MOSPD2: variants seen among roughly 807,000 people sequenced by gnomAD.
The protein encoded by MOSPD2 is motile sperm domain containing 2.
In MOSPD2, 5 loss-of-function variants were observed where a neutral mutation model predicts 41.7. The ratio of observed to expected loss-of-function variants is 0.12; its 90% CI spans 0.06 to 0.25. The LOEUF (loss-of-function observed/expected upper bound fraction) is 0.25. Ranked by LOEUF, MOSPD2 falls within the 10% of genes least tolerant of loss-of-function variation. The probability of loss-of-function intolerance (pLI) is 1.00; values close to 1 mark genes in which losing one functional copy is unlikely to be tolerated. For synonymous variants in MOSPD2, 115 were observed against 126.9 expected, an observed-to-expected ratio of 0.91 and a Z score of 0.63; for missense variants, 282 against 375.2, an observed-to-expected ratio of 0.75 and a Z score of 2.05.
chrX:14,910,911 C>G (rs1293536305), intron 8 of MOSPD2, among the ~76,000 whole-genome samples: 1 of 100,075 alleles, frequency 1.0e-5, no homozygotes, highest in East Asian at 2.9e-4. Context: ...TGTTACAGAA[C>G]TTATATAGTT....
At chrX:14,880,665 G>A (rs2092529809) in intron 2 of MOSPD2, among the ~76,000 whole-genome samples, 2 of 111,398 alleles carry the variant, frequency 1.8e-5, no homozygotes, top group Non-Finnish European at 3.8e-5. Flanking sequence ...TGGGTTTTTT[G>A]TTTGTTTTGT....
At chrX:14,908,005 C>T (rs897299547) in intron 7 of MOSPD2, among the ~76,000 whole-genome samples, 3 of 111,577 alleles carry the variant, frequency 2.7e-5, no homozygotes, top group Non-Finnish European at 3.8e-5. Context: ...AGATACTTCT[C>T]CGAACCATTT....
At chrX:14,886,914 G>A (rs1056913387) in intron 2 of MOSPD2, among the ~76,000 whole-genome samples, 1 of 112,398 alleles carries the variant, frequency 8.9e-6, no homozygotes, top group African/African-American at 3.2e-5. Context: ...AGTCTCACCA[G>A]TTTCACAAGA....
Position 14,895,363 on chromosome X carries a change from C to A in MOSPD2, c.291C>A (p.Leu97=). ...TATTGGAAATTGGTGTTATTTATCT[C>A]CATGGTTATGACAAAGAAGGTAACA... ...RWLLEIGVIY[L]HGYDKEGNKL... The change falls in exon 4 of 15, where the codon CTC becomes CTA. Residue 97 remains leucine (L), a synonymous_variant. Coordinates refer to ENST00000380492, the MANE Select transcript of MOSPD2 (RefSeq NM_152581.4). 2 of 1,156,341 alleles carry A rather than the reference C, an allele frequency of 1.7e-6. No homozygotes were observed. Among genetic ancestry groups the A allele is most frequent in the Non-Finnish European group, 2.4e-6 (2 of 849,008 alleles).
intron 5 of MOSPD2, 133 bp downstream of exon 5, chrX:14,897,371 T>C (rs1460758736): frequency 2.1e-6 from 1 of 485,209 alleles, no homozygotes; most frequent in Non-Finnish European, 3.3e-6. Context: ...TTTTTCACCT[T>C]GCAGTGTGAG....
chrX:14,899,587 C>CACAT lies in MOSPD2; in HGVS notation c.478-985_478-984insTACA, dbSNP rs759484408. ...ACATACACACACACACACACACACACACACACACACACACACACAAAGGTA... is the reference window on the plus strand; with the variant it reads ...ACATACACACACACACACACACACACACATACACACACACACACACACAAAGGTA... On this transcript the variant is annotated intron_variant, in intron 5 of 14. Coordinates refer to ENST00000380492, the MANE Select transcript of MOSPD2 (RefSeq NM_152581.4). 3.6e-3 allele frequency among the ~76,000 whole-genome samples: 383 copies of CACAT among 105,961 alleles called. 3 individuals carry two copies. The highest frequency in any genetic ancestry group is 6.7e-3 in the Non-Finnish European group (342 of 51,319). 92.0% of individuals were successfully genotyped at this position (105,961 alleles called of 115,157 possible).
chrX:14,876,106 G>A (rs1395995860), intron 2 of MOSPD2, among the ~76,000 whole-genome samples: 1 of 112,151 alleles, frequency 8.9e-6, no homozygotes, highest in Non-Finnish European at 1.9e-5. Flanking sequence ...AGCCTTTGAA[G>A]ACCTTCTTAC....
rs1217098061 is a variant in MOSPD2 at position 14,921,788 on chromosome X, T to C, written c.*1979T>C. 1 of 117,697 alleles carries C rather than the reference T, an allele frequency of 8.5e-6. No individual in the cohort carries two copies. Among genetic ancestry groups the C allele is most frequent in the Non-Finnish European group, 1.8e-5 (1 of 57,087 alleles). The allele number at this position is 117,697 out of a possible 1,213,427, so 9.7% of individuals were successfully genotyped here. A position where few individuals can be genotyped will look rare whatever the true frequency, so the allele number is the denominator to read the frequency against. ...TACTTGTCTTGATTAATCATATATT[T>C]ACACTTGATTTTTTTCTGTCTTCAT... On this transcript the variant is annotated 3_prime_UTR_variant, in exon 15 of 15. Transcript: ENST00000380492.
chrX:14,916,712 G>A (rs1392872403), intron 13 of MOSPD2, among the ~76,000 whole-genome samples: 1 of 112,479 alleles, frequency 8.9e-6, no homozygotes. Context: ...CCACACTAAA[G>A]TGTGCTGCAA....
chrX:14,916,079 T>C, intron 12 of MOSPD2, 118 bp from the exon 13 acceptor site: 3 of 1,097,799 alleles, frequency 2.7e-6, no homozygotes, highest in Non-Finnish European at 3.7e-6. Context: ...TTTAAAGACA[T>C]TTCCATTTTC....
rs778435276 is a variant in MOSPD2 at position 14,883,117 on chromosome X, C to T, written c.79+9359C>T. On this transcript the variant is annotated intron_variant, in intron 2 of 14. Transcript: ENST00000380492. ...GGCTGAGGCAGAGGATTGCTTGAAC[C>T]CGGGAGGCGGAGGTTGCAGTGAGCC... Among the ~76,000 whole-genome samples, 23 of 110,084 alleles carry T rather than the reference C, an allele frequency of 2.1e-4. No homozygotes were observed. The East Asian group carries it at 6.3e-3, about 30-fold the overall frequency.
At chrX:14,915,403 A>C (rs2092598529) in intron 11 of MOSPD2, 1 of 117,630 alleles carries the variant, frequency 8.5e-6, no homozygotes. Flanking sequence ...CTCTTTGTTC[A>C]TTGATTATTC....
chrX:14,878,335 C>T (rs1161407826), intron 2 of MOSPD2, among the ~76,000 whole-genome samples: 1 of 112,011 alleles, frequency 8.9e-6, no homozygotes, highest in African/African-American at 3.2e-5. Flanking sequence ...TTCCTGCCGG[C>T]TTGTAGGAGA....
intron 6 of MOSPD2, among the ~76,000 whole-genome samples, chrX:14,901,413 T>G (rs1438265354): frequency 9.0e-6 from 1 of 111,285 alleles, no homozygotes; most frequent in Non-Finnish European, 1.9e-5. Flanking sequence ...AAACAGCAAA[T>G]TGGGTCTTTT....
intron 2 of MOSPD2, among the ~76,000 whole-genome samples, chrX:14,892,228 G>T (rs2092555208): frequency 9.0e-6 from 1 of 111,639 alleles, no homozygotes; most frequent in Admixed American, 9.6e-5. Context: ...GGTTCTGCAG[G>T]CTATACAAGA....
At chrX:14,878,037 T>C (rs759596898) in intron 2 of MOSPD2, among the ~76,000 whole-genome samples, 238 of 111,531 alleles carry the variant, frequency 2.1e-3, no homozygotes, top group African/African-American at 6.8e-3. Context: ...TTTATTGACA[T>C]GATTTTATTT....
Position 14,873,773 on chromosome X carries a change from C to T in MOSPD2, c.79+15C>T. The T allele has an allele frequency of 8.5e-7, 1 of 1,177,811 alleles. No individual in the cohort carries two copies. The highest frequency in any genetic ancestry group is 1.2e-6 in the Non-Finnish European group (1 of 864,563). ...GTATGTGACAGGTGGGTACTCTGTT[C>T]CAGGTATTAAGAAAGGTGTGCAGTG... On this transcript the variant is annotated intron_variant, in intron 2 of 14. Coordinates refer to ENST00000380492, the MANE Select transcript of MOSPD2 (RefSeq NM_152581.4).
In MOSPD2 at chrX:14,911,201, C is replaced by A. The variant is rs10521645; in HGVS notation, c.703-36C>A. 1.0e-3 allele frequency: 1,157 copies of A among 1,119,870 alleles called. 18 individuals carry two copies. The East Asian group carries it at 0.034, about 33-fold the overall frequency. The allele number at this position is 1,119,870 out of a possible 1,213,427, so 92.3% of individuals were successfully genotyped here. A position where few individuals can be genotyped will look rare whatever the true frequency, so the allele number is the denominator to read the frequency against. ...CTAAGAGAGTTATTTCTCTACCCAC[C>A]ATTTAGTAGGCTCATGTGAAATTAT... On this transcript the variant is annotated intron_variant, in intron 8 of 14. Coordinates refer to ENST00000380492, the MANE Select transcript of MOSPD2 (RefSeq NM_152581.4).
chrX:14,916,912 C>A (rs769088822), intron 13 of MOSPD2, among the ~76,000 whole-genome samples: 1 of 112,182 alleles, frequency 8.9e-6, no homozygotes, highest in Non-Finnish European at 1.9e-5. Flanking sequence ...TGACAAATTT[C>A]TTGAAAAGAT....
Sources: allele counts gnomAD v4.1 joint callset (sites outside exome capture counted in the v4.1 genomes callset), GRCh38; gene constraint gnomAD v4.1.1; transcripts MANE v1.5; gene names NCBI Gene and HGNC (gene_info 2026-07-23, HGNC 2026-07-21).